MACROD2: variants seen among roughly 807,000 people sequenced by gnomAD.
The protein encoded by MACROD2 is mono-ADP ribosylhydrolase 2.
Under a neutral mutation model 70.4 loss-of-function variants are expected in MACROD2, and 36 were observed. The ratio of observed to expected loss-of-function variants is 0.51; its 90% CI spans 0.39 to 0.68. The LOEUF (loss-of-function observed/expected upper bound fraction) is 0.68. Ranked by LOEUF, MACROD2 falls within the 30% of genes least tolerant of loss-of-function variation. The probability of loss-of-function intolerance (pLI) is 0.00; values close to 1 mark genes in which losing one functional copy is unlikely to be tolerated. For missense variants in MACROD2, 496 were observed against 538.4 expected, an observed-to-expected ratio of 0.92 and a Z score of 0.78; for synonymous variants, 172 against 178.8, an observed-to-expected ratio of 0.96 and a Z score of 0.30.
intron 3 of MACROD2, among the ~76,000 whole-genome samples, chr20:14,322,194 ATATATATT>A (rs2082668510): frequency 1.5e-5 from 2 of 132,712 alleles, no homozygotes; most frequent in South Asian, 4.6e-4. Flanking sequence ...ATATATATAT[ATATATATT>A]TTGTATTTTG....
At chr20:15,183,620 AATT>A (rs1191255988) in intron 5 of MACROD2, among the ~76,000 whole-genome samples, 5 of 152,196 alleles carry the variant, frequency 3.3e-5, no homozygotes, top group Non-Finnish European at 5.9e-5. Context: ...TTTCTGAAAT[AATT>A]ATCTTTTATG....
chr20:15,234,156 C>T (rs1199654847), intron 6 of MACROD2, among the ~76,000 whole-genome samples: 2 of 139,668 alleles, frequency 1.4e-5, no homozygotes, highest in South Asian at 4.7e-4. Context: ...CTCAGCCTCC[C>T]GAGTAGCTGG....
At chr20:15,269,942 G>T (rs1373247934) in intron 6 of MACROD2, among the ~76,000 whole-genome samples, 3 of 152,006 alleles carry the variant, frequency 2.0e-5, no homozygotes, top group Non-Finnish European at 2.9e-5. Context: ...CTTAAGCTCT[G>T]GTCTCATTTA....
At chr20:15,410,694 C>G (rs2046065805) in intron 6 of MACROD2, among the ~76,000 whole-genome samples, 1 of 150,588 alleles carries the variant, frequency 6.6e-6, no homozygotes, top group Non-Finnish European at 1.5e-5. Flanking sequence ...GAGGAAGTAG[C>G]CACAAAATAG....
Position 14,961,864 on chromosome 20 carries a change from G to A in MACROD2, c.419-268076G>A, listed in dbSNP as rs113439750. Among the ~76,000 whole-genome samples the A allele has an allele frequency of 5.0e-3, 767 of 152,164 alleles. 5 individuals carry two copies. The highest frequency in any genetic ancestry group is 0.017 in the African/African-American group (724 of 41,496). ...CCTCTCTCATCCCACTCCTTCTAAT[G>A]GTAATATCTTAGAAAACCATATGAC... is the stretch of plus-strand genomic sequence containing the variant. On this transcript the variant is annotated intron_variant, in intron 5 of 17. Transcript: ENST00000684519.
At chr20:14,517,608 G>A (rs2085116734) in intron 4 of MACROD2, among the ~76,000 whole-genome samples, 1 of 152,132 alleles carries the variant, frequency 6.6e-6, no homozygotes, top group Non-Finnish European at 1.5e-5. Context: ...GATGGGTGCA[G>A]CAAACCACCA....
At chr20:14,419,243 G>A (rs991800378) in intron 3 of MACROD2, among the ~76,000 whole-genome samples, 1 of 152,034 alleles carries the variant, frequency 6.6e-6, no homozygotes, top group Non-Finnish European at 1.5e-5. Context: ...TAGTAGAGAA[G>A]GGGTTTCTCC....
At chr20:16,022,743 C>T (rs943365710) in intron 15 of MACROD2, among the ~76,000 whole-genome samples, 21 of 152,188 alleles carry the variant, frequency 1.4e-4, no homozygotes, top group African/African-American at 4.8e-4. Flanking sequence ...TTGAAACACA[C>T]GTAGCTTTTC....
At chr20:15,310,411 A>G (rs1444243465) in intron 6 of MACROD2, among the ~76,000 whole-genome samples, 2 of 151,900 alleles carry the variant, frequency 1.3e-5, no homozygotes, top group African/African-American at 4.8e-5. Flanking sequence ...CCAAAAGTCT[A>G]CTCATTTGGT....
chr20:14,781,605 A>G (rs2072302058), intron 5 of MACROD2, among the ~76,000 whole-genome samples: 1 of 151,368 alleles, frequency 6.6e-6, no homozygotes, highest in Admixed American at 6.6e-5. Context: ...GGTACCAGAC[A>G]AGTTTTACAA....
At chr20:15,576,545 A>C (rs1366173491) in intron 8 of MACROD2, among the ~76,000 whole-genome samples, 1 of 129,638 alleles carries the variant, frequency 7.7e-6, no homozygotes, top group East Asian at 2.2e-4. Context: ...TGTTTTCTGC[A>C]CAAAATGTTT....
At chr20:15,358,495 A>G (rs1313464454) in intron 6 of MACROD2, among the ~76,000 whole-genome samples, 1 of 103,302 alleles carries the variant, frequency 9.7e-6, no homozygotes, top group Non-Finnish European at 1.9e-5. Flanking sequence ...TGATCAACAA[A>G]TAAATATATT....
intron 4 of MACROD2, among the ~76,000 whole-genome samples, chr20:14,515,415 GTATC>G (rs1202349233): frequency 1.4e-5 from 2 of 146,488 alleles, no homozygotes; most frequent in African/African-American, 5.1e-5. Flanking sequence ...AAGCAACCCA[GTATC>G]TATCCGTAGT....
At chr20:15,512,468 C>A (rs1034779335) in intron 8 of MACROD2, among the ~76,000 whole-genome samples, 2 of 151,918 alleles carry the variant, frequency 1.3e-5, no homozygotes, top group African/African-American at 4.9e-5. Context: ...CTTAATTCTT[C>A]TTTGAGTACT....
chr20:14,628,392 T>C (rs1984308766), intron 4 of MACROD2, among the ~76,000 whole-genome samples: 1 of 152,040 alleles, frequency 6.6e-6, no homozygotes, highest in Non-Finnish European at 1.5e-5. Flanking sequence ...GCAGAGGACA[T>C]GAAAAAAATA....
intron 15 of MACROD2, among the ~76,000 whole-genome samples, chr20:16,026,032 A>G (rs934637915): frequency 1.3e-5 from 2 of 151,932 alleles, no homozygotes; most frequent in Non-Finnish European, 2.9e-5. Context: ...GGGTGCCTGT[A>G]TTCCCAGCTA....
intron 5 of MACROD2, among the ~76,000 whole-genome samples, chr20:15,134,830 TA>T (rs1309077091): frequency 6.6e-6 from 1 of 150,936 alleles, no homozygotes; most frequent in African/African-American, 2.4e-5. Flanking sequence ...GCAAGACTAA[TA>T]AAAAAAGAGA....
intron 3 of MACROD2, among the ~76,000 whole-genome samples, chr20:14,225,321 A>C (rs1383119419): frequency 1.3e-5 from 2 of 152,228 alleles, no homozygotes; most frequent in Non-Finnish European, 2.9e-5. Flanking sequence ...GTCTGTAAAC[A>C]TGACTACTTT....
chr20:15,876,750 T>A (rs2064680566), intron 9 of MACROD2, among the ~76,000 whole-genome samples: 1 of 152,166 alleles, frequency 6.6e-6, no homozygotes, highest in Non-Finnish European at 1.5e-5. Flanking sequence ...AGCGTTCCTA[T>A]TTCTCCACGT....
Sources: gnomAD v4.1 joint callset for allele counts (sites outside exome capture counted in the v4.1 genomes callset) on GRCh38, gnomAD v4.1.1 for gene constraint, MANE v1.5 for transcripts, NCBI Gene and HGNC (gene_info 2026-07-23, HGNC 2026-07-21) for gene names.